PPP6R2: variants seen among roughly 807,000 people sequenced by gnomAD.
PPP6R2 encodes the protein protein phosphatase 6 regulatory subunit 2, also known as serine/threonine-protein phosphatase 6 regulatory subunit 2.
In PPP6R2, 62 loss-of-function variants were observed where a neutral mutation model predicts 100.2. The observed-to-expected ratio is 0.62, with a 90% CI of 0.50 to 0.76. The LOEUF is 0.76. Ranked by LOEUF, PPP6R2 falls within the 30% of genes least tolerant of loss-of-function variation. The pLI is 0.00. For missense variants in PPP6R2, 1,142 were observed against 1,276.3 expected (o/e 0.89, Z 1.60); for synonymous variants, 525 against 514.7 (o/e 1.02, Z -0.27).
At chr22:50,382,740 G>T (rs1194123449) in intron 2 of PPP6R2, among the ~76,000 whole-genome samples, 1 of 151,932 alleles carries the variant, frequency 6.6e-6, no homozygotes, top group Admixed American at 6.6e-5. Context: ...TGTTATACCA[G>T]TTCTTCTCCA....
chr22:50,423,425 A>G lies in PPP6R2; in HGVS notation c.973-37A>G. ...GACTCCAGCAGTGGCCTCACTGCTC[A>G]CAGGGCCTAACTGGGTGGTGCCTTC... is the stretch of plus-strand genomic sequence containing the variant. On this transcript the variant is annotated intron_variant, in intron 9 of 23. Transcript: ENST00000612753. The surrounding 1 kb of genome is among the most constrained non-coding windows in gnomAD (Gnocchi z 4.8). 6.2e-7 allele frequency: 1 copy of G among 1,612,796 alleles called. No individual in the cohort carries two copies. The highest frequency in any genetic ancestry group is 8.5e-7 in the Non-Finnish European group (1 of 1,178,946).
chr22:50,405,534 A>G (rs2058738217), intron 3 of PPP6R2, among the ~76,000 whole-genome samples: 1 of 123,070 alleles, frequency 8.1e-6, no homozygotes, highest in Non-Finnish European at 1.7e-5. Context: ...AGGCCTGGAG[A>G]GAGGTAAGAG....
intron 11 of PPP6R2, among the ~76,000 whole-genome samples, 156 bp from the exon 12 acceptor site, chr22:50,432,108 AC>A (rs991824171): frequency 9.2e-5 from 14 of 152,100 alleles, no homozygotes; most frequent in African/African-American, 3.1e-4. Context: ...TTTGGTGAGG[AC>A]CGCGGAGGCT....
the PPP6R2 span, among the ~76,000 whole-genome samples, chr22:50,336,039 C>T: frequency 6.6e-6 from 1 of 151,752 alleles, no homozygotes; most frequent in East Asian, 1.9e-4. Context: ...GGCTGGAGTG[C>T]AGTGACACAA....
At chr22:50,333,301 A>G in the PPP6R2 span, among the ~76,000 whole-genome samples, 1 of 150,778 alleles carries the variant, frequency 6.6e-6, no homozygotes, top group African/African-American at 2.4e-5. Flanking sequence ...GTAAGTTTTG[A>G]GATCACGTAG....
chr22:50,394,185 A>T, intron 3 of PPP6R2, 50 bp downstream of exon 3: 1 of 1,598,576 alleles, frequency 6.3e-7, no homozygotes. Flanking sequence ...TGCTGCAGGC[A>T]GGCCGCAGGC....
At position 50,438,674 on chromosome 22, in the gene PPP6R2, C is replaced by G; in HGVS notation, c.2040C>G (p.Ser680Arg). The stretch of plus-strand genomic sequence containing the variant: ...GTGGAGGCCAGGATGGGAAGGCGAG[C>G]TTGGAAGCACACAGAGATGCACCTG... ...PERGGQDGKA[S>R]LEAHRDAPGA... Residue 680 changes from serine (S) to arginine (R), a missense_variant, in exon 19 of 24, where the codon AGC becomes AGG. Physicochemically the swap from Ser to Arg is moderately radical, Grantham distance 110. This residue lies in a region of PPP6R2 where 550 missense variants were observed against 517.4 expected (regional missense o/e 1.06). Transcript: ENST00000612753. The G allele has an allele frequency of 6.2e-7, 1 of 1,613,952 alleles. No homozygotes were observed. The highest frequency in any genetic ancestry group is 8.5e-7 in the Non-Finnish European group (1 of 1,179,964).
At chr22:50,385,699 A>G (rs1370776794) in intron 2 of PPP6R2, among the ~76,000 whole-genome samples, 4 of 147,418 alleles carry the variant, frequency 2.7e-5, no homozygotes, top group Non-Finnish European at 4.5e-5. Context: ...TATTTTTAGT[A>G]GAGACAGGGT....
chr22:50,412,170 A>G (rs889942712), intron 4 of PPP6R2, among the ~76,000 whole-genome samples: 1 of 152,098 alleles, frequency 6.6e-6, no homozygotes, highest in Admixed American at 6.6e-5. Context: ...ATCGATCATT[A>G]TGGGCTCAAA....
At chr22:50,424,678 G>T (rs1215269709) in intron 10 of PPP6R2, among the ~76,000 whole-genome samples, 1 of 118,078 alleles carries the variant, frequency 8.5e-6, no homozygotes, top group Non-Finnish European at 1.6e-5. Flanking sequence ...TCTCTCTGTC[G>T]CCAGGCTGGA....
chr22:50,436,301 C>T (rs2148266435), intron 13 of PPP6R2, 66 bp from the exon 14 acceptor site: 2 of 1,439,032 alleles, frequency 1.4e-6, no homozygotes, highest in Non-Finnish European at 9.5e-7. Context: ...CTGCCGGAGC[C>T]CCCGGGTGCC....
chr22:50,338,809 GGTGT>G (rs376096985), upstream of PPP6R2, among the ~76,000 whole-genome samples: 5 of 119,910 alleles, frequency 4.2e-5, no homozygotes, highest in South Asian at 3.0e-4. Flanking sequence ...TACGGTGTCT[GGTGT>G]GTGTGTGTGT....
chr22:50,398,505 C>A (rs1293527776), intron 3 of PPP6R2, among the ~76,000 whole-genome samples: 7 of 143,368 alleles, frequency 4.9e-5, no homozygotes, highest in Non-Finnish European at 1.1e-4. Flanking sequence ...AAAAAAAAAA[C>A]ATATTAAGAC....
chr22:50,421,740 G>T (rs2061367955), intron 8 of PPP6R2, among the ~76,000 whole-genome samples: 1 of 151,986 alleles, frequency 6.6e-6, no homozygotes, highest in African/African-American at 2.4e-5. Context: ...GCAAAATCCT[G>T]TCTCTACTAA....
At chr22:50,418,022 G>C (rs903001786) in intron 6 of PPP6R2, among the ~76,000 whole-genome samples, 1 of 152,148 alleles carries the variant, frequency 6.6e-6, no homozygotes, top group African/African-American at 2.4e-5. Flanking sequence ...TGTTTCCCTA[G>C]AAAAGATGAG....
At chr22:50,434,746 G>A (rs1408824779) in intron 12 of PPP6R2, among the ~76,000 whole-genome samples, 2 of 119,846 alleles carry the variant, frequency 1.7e-5, no homozygotes, top group Admixed American at 8.2e-5. Context: ...TGCCCTGGAG[G>A]TGAACCTGGA....
At chr22:50,391,544 G>A (rs937210122) in intron 2 of PPP6R2, among the ~76,000 whole-genome samples, 1 of 151,824 alleles carries the variant, frequency 6.6e-6, no homozygotes. Context: ...AGCCTGCAGT[G>A]AGCTATGATT....
intron 2 of PPP6R2, among the ~76,000 whole-genome samples, chr22:50,378,351 C>G (rs1221575748): frequency 6.6e-6 from 1 of 152,208 alleles, no homozygotes; most frequent in Non-Finnish European, 1.5e-5. Flanking sequence ...CTTTGGGAGG[C>G]TGAGGCAGGT....
At chr22:50,357,856 C>T (rs1289088319) in intron 1 of PPP6R2, among the ~76,000 whole-genome samples, 1 of 152,130 alleles carries the variant, frequency 6.6e-6, no homozygotes, top group African/African-American at 2.4e-5. Flanking sequence ...TAACTCCTGA[C>T]CTCGTGATTC....
Sources: allele counts gnomAD v4.1 joint callset (sites outside exome capture counted in the v4.1 genomes callset), GRCh38; gene constraint gnomAD v4.1.1; regional missense constraint gnomAD v4.1.1; non-coding constraint Gnocchi (gnomAD v3.1); transcripts MANE v1.5; gene names NCBI Gene and HGNC (gene_info 2026-07-23, HGNC 2026-07-21).